Variants in BMP5 observed in about 807,000 individuals in gnomAD.
The protein encoded by BMP5 is bone morphogenetic protein 5.
BMP5 carries 23 observed loss-of-function variants against 46.6 expected under a neutral mutation model. The ratio of observed to expected loss-of-function variants is 0.49; its 90% CI spans 0.35 to 0.70. BMP5 has a LOEUF of 0.70. BMP5 is among the 30% of genes least tolerant of loss of function. BMP5 has a pLI of 0.00. For synonymous variants in BMP5, 204 were observed against 191.9 expected (o/e 1.06, Z -0.52); for missense variants, 545 against 565.6 (o/e 0.96, Z 0.37).
At chr6:55,859,734 T>C (rs1049707170) in intron 1 of BMP5, among the ~76,000 whole-genome samples, 1 of 152,186 alleles carries the variant, frequency 6.6e-6, no homozygotes, top group African/African-American at 2.4e-5. Flanking sequence ...TATCATAACG[T>C]TCTGTTTGCT....
intron 1 of BMP5, among the ~76,000 whole-genome samples, chr6:55,839,790 A>G (rs983325953): frequency 6.6e-6 from 1 of 152,324 alleles, no homozygotes; most frequent in African/African-American, 2.4e-5. Flanking sequence ...GTGAATAATG[A>G]TATTAAATAC....
At chr6:55,857,299 C>T (rs139183820) in intron 1 of BMP5, among the ~76,000 whole-genome samples, 139 of 152,194 alleles carry the variant, frequency 9.1e-4, no homozygotes, top group African/African-American at 3.2e-3. Context: ...AGTATTGAGA[C>T]TCAAAAAGTT....
chr6:55,813,163 C>T (rs929959932), intron 2 of BMP5, among the ~76,000 whole-genome samples: 8 of 151,900 alleles, frequency 5.3e-5, no homozygotes, highest in South Asian at 2.1e-4. Context: ...TGATTTTTTA[C>T]TCTCTATACC....
At chr6:55,796,398 C>T (rs1775712261) in intron 2 of BMP5, among the ~76,000 whole-genome samples, 1 of 151,908 alleles carries the variant, frequency 6.6e-6, no homozygotes, top group Non-Finnish European at 1.5e-5. Context: ...CCAAACTCTC[C>T]ATGTTCAAAT....
chr6:55,835,752 A>G (rs1343102534), intron 1 of BMP5, among the ~76,000 whole-genome samples: 2 of 152,202 alleles, frequency 1.3e-5, no homozygotes, highest in African/African-American at 4.8e-5. Flanking sequence ...TTCAAGAGGG[A>G]AAGATAACAG....
intron 3 of BMP5, among the ~76,000 whole-genome samples, chr6:55,779,201 CATTT>C (rs1775248970): frequency 6.6e-6 from 1 of 151,996 alleles, no homozygotes; most frequent in Non-Finnish European, 1.5e-5. Flanking sequence ...GAAAAACATT[CATTT>C]GAGGATTTAT....
intron 2 of BMP5, among the ~76,000 whole-genome samples, chr6:55,809,948 G>C (rs1009973873): frequency 2.6e-5 from 4 of 151,912 alleles, no homozygotes; most frequent in Non-Finnish European, 5.9e-5. Context: ...TCCTTGAATA[G>C]CTTATCAAGT....
In BMP5 at chr6:55,774,084, G is replaced by C. The variant is rs1216211375; in HGVS notation, c.992C>G (p.Ser331Cys). Residue 331 changes from serine (S) to cysteine (C), a missense_variant, in exon 4 of 7, where the codon TCT becomes TGT. Physicochemically the swap from Ser to Cys is moderately radical, Grantham distance 112 (BLOSUM62 -1). Coordinates refer to ENST00000370830, the MANE Select transcript of BMP5 (RefSeq NM_021073.4). Reference protein sequence around the residue: ...RKNQNRNKSSSHQDSSRMSSV... With the variant: ...RKNQNRNKSSCHQDSSRMSSV... Reference sequence around the variant, plus strand: ...GGACATTCTGGAGGAGTCCTGATGAGAGCTGGATTTATTGCGGTTTTGATT... The same window carrying C: ...GGACATTCTGGAGGAGTCCTGATGACAGCTGGATTTATTGCGGTTTTGATT... 3 of 1,612,746 alleles carry C rather than the reference G, an allele frequency of 1.9e-6. No homozygotes were observed. The African/African-American group carries it at 4.0e-5, about 22-fold the overall frequency.
chr6:55,874,551 C>T lies in BMP5; in HGVS notation c.315G>A (p.Leu105=). The T allele has an allele frequency of 1.2e-6, 2 of 1,613,388 alleles. No individual in the cohort carries two copies. The highest frequency in any genetic ancestry group is 1.7e-6 in the Non-Finnish European group (2 of 1,179,684). ...EESEYSVRAS[L]AEETRGARKG... is the part of the protein sequence containing the mutation. ...TTCTTGCCCCTCTGGTCTCTTCTGC[C>T]AAGGATGCCCTTACTGAGTACTCCG... Residue 105 remains leucine, a synonymous_variant, in exon 1 of 7, where the codon TTG becomes TTA. Coordinates refer to ENST00000370830, the MANE Select transcript of BMP5 (RefSeq NM_021073.4).
chr6:55,853,060 G>T (rs937933552), intron 1 of BMP5, among the ~76,000 whole-genome samples: 5 of 151,724 alleles, frequency 3.3e-5, no homozygotes, highest in African/African-American at 1.2e-4. Context: ...AAACTGGGAA[G>T]CGGAGATTGC....
Position 55,794,317 on chromosome 6 carries a change from T to G in BMP5, c.794A>C (p.Asn265Thr). ...TGCACAGAGCTGTAAGCCCAAATTA[T>G]TCTGGGGATTAATCACCCAATGATT... Reference protein sequence around the residue: ...TSNHWVINPQNNLGLQLCAET... With the variant: ...TSNHWVINPQTNLGLQLCAET... The change falls in exon 3 of 7, where the codon AAT (asparagine) becomes ACT (threonine). Residue 265 changes from asparagine to threonine, a missense_variant. By Grantham distance (65) the Asn-to-Thr change is moderately conservative. Transcript: ENST00000370830. The G allele has an allele frequency of 6.2e-7, 1 of 1,614,056 alleles. No homozygotes were observed. The highest frequency in any genetic ancestry group is 8.5e-7 in the Non-Finnish European group (1 of 1,179,926).
intron 2 of BMP5, among the ~76,000 whole-genome samples, chr6:55,807,473 T>C (rs1184534409): frequency 6.6e-6 from 1 of 152,198 alleles, no homozygotes; most frequent in Admixed American, 6.5e-5. Flanking sequence ...GCCAGTATTT[T>C]ATTGAGGATT....
chr6:55,833,548 A>G (rs1184521735), intron 1 of BMP5, among the ~76,000 whole-genome samples: 1 of 152,206 alleles, frequency 6.6e-6, no homozygotes, highest in Admixed American at 6.6e-5. Flanking sequence ...CATGTAAATA[A>G]TCATTACACA....
At chr6:55,823,413 C>G (rs1247153897) in intron 1 of BMP5, among the ~76,000 whole-genome samples, 1 of 152,038 alleles carries the variant, frequency 6.6e-6, no homozygotes, top group African/African-American at 2.4e-5. Flanking sequence ...TCTCTTTCCA[C>G]TCAGCAACTC....
At chr6:55,834,812 G>A (rs1014639048) in intron 1 of BMP5, among the ~76,000 whole-genome samples, 8 of 152,132 alleles carry the variant, frequency 5.3e-5, no homozygotes, top group African/African-American at 1.4e-4. Context: ...CAGGTGCAGC[G>A]GCTCACGCCT....
chr6:55,791,174 G>GT (rs3839431), intron 3 of BMP5, among the ~76,000 whole-genome samples: 25,863 of 152,136 alleles, frequency 0.17, 2,577 homozygotes, highest in Non-Finnish European at 0.23. Flanking sequence ...ACAAGCAGTG[G>GT]TAATGAGTGA....
At chr6:55,822,111 G>A (rs1275199093) in intron 1 of BMP5, among the ~76,000 whole-genome samples, 2 of 152,108 alleles carry the variant, frequency 1.3e-5, no homozygotes, top group East Asian at 3.9e-4. Context: ...GTGGAAGCAT[G>A]GGGAATAAAT....
intron 2 of BMP5, among the ~76,000 whole-genome samples, chr6:55,798,735 A>G (rs1775775357): frequency 6.6e-6 from 1 of 152,224 alleles, no homozygotes; most frequent in South Asian, 2.1e-4. Context: ...TGTCAATACA[A>G]ATACATTTGA....
chr6:55,759,142 C>T (rs1774691507), intron 5 of BMP5, 27 bp from the exon 6 acceptor site: 2 of 119,566 alleles, frequency 1.7e-5, no homozygotes, highest in Non-Finnish European at 2.8e-5. Flanking sequence ...CACACACACA[C>T]ACAAAAAAAA....
Sources: allele counts gnomAD v4.1 joint callset (sites outside exome capture counted in the v4.1 genomes callset), GRCh38; gene constraint gnomAD v4.1.1; transcripts MANE v1.5; gene names NCBI Gene and HGNC (gene_info 2026-07-23, HGNC 2026-07-21).